The following CTNND2 variants were observed in gnomAD, a reference collection of about 807,000 sequenced individuals.
The protein encoded by CTNND2 is catenin delta 2.
Under a neutral mutation model 144.4 loss-of-function variants are expected in CTNND2, and 22 were observed. That is an observed-to-expected ratio of 0.15 (90% CI 0.11 to 0.22). The LOEUF (loss-of-function observed/expected upper bound fraction) is 0.22, where lower values mean the gene tolerates loss of function less well. Among genes scored for constraint, CTNND2 ranks in the 10% least tolerant of loss-of-function variants. CTNND2 has a pLI of 1.00. For synonymous variants in CTNND2, 751 were observed against 695.6 expected, an observed-to-expected ratio of 1.08 and a Z score of -1.25; for missense variants, 1,353 against 1,618.8, an observed-to-expected ratio of 0.84 and a Z score of 2.82.
intron 9 of CTNND2, among the ~76,000 whole-genome samples, chr5:11,265,189 G>T (rs1435552564): frequency 6.6e-6 from 1 of 152,164 alleles, no homozygotes; most frequent in Non-Finnish European, 1.5e-5. Flanking sequence ...AGTTACATAT[G>T]TTAGAAGATT....
chr5:11,677,619 G>GCTT (rs1161486185), intron 2 of CTNND2, among the ~76,000 whole-genome samples: 1 of 152,116 alleles, frequency 6.6e-6, no homozygotes, highest in Non-Finnish European at 1.5e-5. Context: ...ATAATAATGT[G>GCTT]TTTATGAAAT....
intron 1 of CTNND2, among the ~76,000 whole-genome samples, chr5:11,854,639 T>C (rs1795169623): frequency 6.6e-6 from 1 of 152,226 alleles, no homozygotes; most frequent in South Asian, 2.1e-4. Flanking sequence ...GTATCCAATA[T>C]GTGCAAAATC....
intron 9 of CTNND2, among the ~76,000 whole-genome samples, chr5:11,344,645 T>A (rs1335746930): frequency 6.6e-6 from 1 of 152,178 alleles, no homozygotes; most frequent in Non-Finnish European, 1.5e-5. Flanking sequence ...CATACAAATT[T>A]GACGCATACA....
chr5:11,226,884 T>C (rs1164281243), intron 10 of CTNND2, among the ~76,000 whole-genome samples: 1 of 152,238 alleles, frequency 6.6e-6, no homozygotes. Context: ...TTATAGCTGC[T>C]CAGTGATTAT....
At chr5:11,321,133 A>G (rs757858903) in intron 9 of CTNND2, among the ~76,000 whole-genome samples, 2 of 152,188 alleles carry the variant, frequency 1.3e-5, no homozygotes, top group Non-Finnish European at 2.9e-5. Flanking sequence ...ATGGTAATGG[A>G]TCTACCACCA....
chr5:10,975,812 C>A (rs920923937), intron 21 of CTNND2, among the ~76,000 whole-genome samples: 2 of 152,198 alleles, frequency 1.3e-5, no homozygotes, highest in Non-Finnish European at 2.9e-5. Flanking sequence ...AGGAGTCACT[C>A]ACAAGGGTTA....
At chr5:11,728,222 C>T (rs1787128987) in intron 2 of CTNND2, among the ~76,000 whole-genome samples, 1 of 152,014 alleles carries the variant, frequency 6.6e-6, no homozygotes, top group African/African-American at 2.4e-5. Context: ...CCTGTAATCC[C>T]AGCACTTTGG....
At chr5:11,123,293 C>A (rs918953291) in intron 12 of CTNND2, among the ~76,000 whole-genome samples, 1 of 152,182 alleles carries the variant, frequency 6.6e-6, no homozygotes, top group East Asian at 1.9e-4. Flanking sequence ...TAGGAACTCA[C>A]TGGATATCGA....
intron 1 of CTNND2, among the ~76,000 whole-genome samples, chr5:11,897,852 A>G (rs1737519416): frequency 6.6e-6 from 1 of 152,232 alleles, no homozygotes; most frequent in Admixed American, 6.5e-5. Flanking sequence ...AAACCATGCC[A>G]ATGGGGAACA....
intron 7 of CTNND2, among the ~76,000 whole-genome samples, chr5:11,378,312 G>T (rs1272909123): frequency 6.6e-6 from 1 of 152,218 alleles, no homozygotes; most frequent in African/African-American, 2.4e-5. Context: ...TTATGAGGAA[G>T]GGGCTGGAGC....
chr5:11,492,991 G>A (rs2149996477), intron 3 of CTNND2, among the ~76,000 whole-genome samples: 1 of 152,254 alleles, frequency 6.6e-6, no homozygotes, highest in African/African-American at 2.4e-5. Flanking sequence ...AGAATTGCTT[G>A]AACCTGGGAA....
chr5:11,748,182 C>CT (rs763547503), intron 1 of CTNND2, among the ~76,000 whole-genome samples: 114 of 31,672 alleles, frequency 3.6e-3, no homozygotes, highest in Middle Eastern at 0.024. Flanking sequence ...AATTGCTGAC[C>CT]TTAAGAAAAC....
chr5:11,512,976 C>T (rs1236556110), intron 3 of CTNND2, among the ~76,000 whole-genome samples: 1 of 152,218 alleles, frequency 6.6e-6, no homozygotes, highest in Non-Finnish European at 1.5e-5. Context: ...CTTCTCTGCA[C>T]CATGAAACTT....
intron 1 of CTNND2, among the ~76,000 whole-genome samples, chr5:11,770,473 TAGGGGA>T (rs1561781744): frequency 7.4e-6 from 1 of 135,966 alleles, no homozygotes; most frequent in Admixed American, 7.3e-5. Flanking sequence ...GGGGTAGGGG[TAGGGGA>T]AGGGGAAGGA....
rs1261696314 is a variant in CTNND2, at chr5:11,098,791, T to C, written c.2464-43A>G. On this transcript the variant is annotated intron_variant, in intron 14 of 21. Coordinates refer to ENST00000304623, the MANE Select transcript of CTNND2 (RefSeq NM_001332.4). ...AGAGAGCAAACATCTTTAACATCTT[T>C]ATGCTTCCCAACTTTGCCTTCCTCA... 3 of 1,591,468 alleles carry C rather than the reference T, an allele frequency of 1.9e-6. No individual in the cohort carries two copies. The East Asian group carries it at 6.7e-5, about 36-fold the overall frequency.
intron 11 of CTNND2, 72 bp downstream of exon 11, chr5:11,199,376 C>T (rs1360978401): frequency 7.5e-7 from 1 of 1,327,106 alleles, no homozygotes; most frequent in Non-Finnish European, 1.1e-6. Context: ...TTGATTAGTA[C>T]ATTTGCCTCT....
At chr5:11,061,746 T>C (rs1026319424) in intron 16 of CTNND2, among the ~76,000 whole-genome samples, 1 of 152,166 alleles carries the variant, frequency 6.6e-6, no homozygotes, top group Non-Finnish European at 1.5e-5. Flanking sequence ...TTTGTTCTTG[T>C]CACCTAGGCT....
intron 9 of CTNND2, among the ~76,000 whole-genome samples, chr5:11,334,140 G>C (rs1330078635): frequency 6.6e-6 from 1 of 152,104 alleles, no homozygotes; most frequent in African/African-American, 2.4e-5. Context: ...GGTAAACATA[G>C]GTAAGGTAAA....
chr5:11,382,490 C>T (rs966267265), intron 7 of CTNND2, among the ~76,000 whole-genome samples: 3 of 151,884 alleles, frequency 2.0e-5, no homozygotes, highest in East Asian at 1.9e-4. Flanking sequence ...TCCCAGCTAT[C>T]GGGAGGCTGA....
Sources: gnomAD v4.1 joint callset for allele counts (sites outside exome capture counted in the v4.1 genomes callset) on GRCh38, gnomAD v4.1.1 for gene constraint, MANE v1.5 for transcripts, NCBI Gene and HGNC (gene_info 2026-07-23, HGNC 2026-07-21) for gene names.